The following MUC17 variants were observed in gnomAD, a reference collection of about 807,000 sequenced individuals.
MUC17 encodes mucin-17.
In MUC17, 190 loss-of-function variants were observed where a neutral mutation model predicts 170.3. The observed-to-expected ratio is 1.12, with a 90% confidence interval of 0.99 to 1.26. The LOEUF is 1.26. Ranked by LOEUF, MUC17 falls within the 50% of genes most tolerant of loss-of-function variation. The probability of loss-of-function intolerance (pLI) is 0.00; values close to 1 mark genes in which losing one functional copy is unlikely to be tolerated. For missense variants in MUC17, 6,415 were observed against 5,530.0 expected (o/e 1.16, Z -5.08); for synonymous variants, 2,325 against 2,002.5 (o/e 1.16, Z -4.30).
Position 101,033,981 on chromosome 7 carries a change from G to C in MUC17, c.2565G>C (p.Met855Ile). The change falls in exon 3 of 13, where the codon ATG becomes ATC. Residue 855 changes from methionine (M) to isoleucine (I), a missense_variant. Physicochemically the swap from Met to Ile is conservative, Grantham distance 10. Transcript: ENST00000306151. Reference protein sequence around the residue: ...SSPTPAEGTSMPTSTYSEGRT... With the variant: ...SSPTPAEGTSIPTSTYSEGRT... ...CTACACCTGCTGAAGGTACCAGCAT[G>C]CCAACCTCAACTTATAGTGAAGGAA... 1 of 1,602,404 alleles carries C rather than the reference G, an allele frequency of 6.2e-7. No homozygotes were observed. Among genetic ancestry groups the C allele is most frequent in the Non-Finnish European group, 8.5e-7 (1 of 1,173,630 alleles).
In MUC17 at chr7:101,037,880, C is replaced by T. The variant is rs745488477; in HGVS notation, c.6464C>T (p.Thr2155Ile). The T allele has an allele frequency of 5.0e-6, 8 of 1,610,884 alleles. No homozygotes were observed. The highest frequency in any genetic ancestry group is 2.2e-5 in the East Asian group (1 of 44,614). ...GAAGGTACCAGCATGCAAACCTCAA[C>T]TTATAGTGACAGAAGAACTCCTTTA... Reference protein sequence around the residue: ...PTEGTSMQTSTYSDRRTPLTS... With the variant: ...PTEGTSMQTSIYSDRRTPLTS... Residue 2155 changes from threonine to isoleucine, a missense_variant, in exon 3 of 13, where the codon ACT (threonine) becomes ATT (isoleucine). Coordinates refer to ENST00000306151, the MANE Select transcript of MUC17 (RefSeq NM_001040105.2).
Position 101,035,020 on chromosome 7 carries a change from C to T in MUC17, c.3604C>T (p.Pro1202Ser). 1.9e-6 allele frequency: 3 copies of T among 1,612,384 alleles called. No individual in the cohort carries two copies. Among genetic ancestry groups the T allele is most frequent in the South Asian group, 1.1e-5 (1 of 91,008 alleles). ...ATSTEASSPPPTAEVTSMPTS... is the reference protein window; with the variant it reads ...ATSTEASSPPSTAEVTSMPTS... ...TTCTACTGAAGCCAGTTCACCTCCTCCAACTGCTGAAGTTACCAGCATGCC... is the reference window on the plus strand; with the variant it reads ...TTCTACTGAAGCCAGTTCACCTCCTTCAACTGCTGAAGTTACCAGCATGCC... The change falls in exon 3 of 13, where the codon CCA becomes TCA. Residue 1202 changes from proline to serine, a missense_variant. Coordinates refer to ENST00000306151, the MANE Select transcript of MUC17 (RefSeq NM_001040105.2).
chr7:101,032,821 G>A lies in MUC17; in HGVS notation c.1405G>A (p.Ala469Thr). 1 of 1,613,850 alleles carries A rather than the reference G, an allele frequency of 6.2e-7. No homozygotes were observed. The highest frequency in any genetic ancestry group is 8.5e-7 in the Non-Finnish European group (1 of 1,179,960). The change falls in exon 3 of 13, where the codon GCT (alanine) becomes ACT (threonine). Residue 469 changes from alanine (A) to threonine (T), a missense_variant. Ala to Thr is a moderately conservative substitution (Grantham distance 58). Coordinates refer to ENST00000306151, the MANE Select transcript of MUC17 (RefSeq NM_001040105.2). ...VSTTPVASSE[A>T]SNLSTTPVDS... ...CACCACTCCAGTGGCCAGTTCTGAG[G>A]CTAGCAACCTTTCAACAACTCCTGT...
chr7:101,031,531 T>C (rs755177403), intron 2 of MUC17, 70 bp from the exon 3 acceptor site: 178 of 1,447,284 alleles, frequency 1.2e-4, no homozygotes, highest in Non-Finnish European at 3.1e-5. Context: ...AAAGCCCAAC[T>C]ACAACAATCA....
rs1383244701 is a variant in MUC17, at chr7:101,053,135, G to C, written c.13253G>C (p.Arg4418Thr). The change falls in exon 10 of 13, where the codon AGA (arginine) becomes ACA (threonine). Residue 4418 changes from arginine to threonine, a missense_variant. By Grantham distance (71) the Arg-to-Thr change is moderately conservative. Transcript: ENST00000306151. ...ALLMLVFRSK[R>T]EVKRQKYRLS... ...CTGATGCTCGTTTTCCGCTCCAAGAGAGAGGTGAAACGGTGAGCGAGCCCC... is the reference window on the plus strand; with the variant it reads ...CTGATGCTCGTTTTCCGCTCCAAGACAGAGGTGAAACGGTGAGCGAGCCCC... 6.2e-7 allele frequency: 1 copy of C among 1,613,740 alleles called. No individual in the cohort carries two copies. The highest frequency in any genetic ancestry group is 8.5e-7 in the Non-Finnish European group (1 of 1,179,906).
rs1265195197 is a variant in MUC17, at chr7:101,041,061, A to C, written c.9645A>C (p.Ser3215=). Residue 3215 remains serine (S), a synonymous_variant, in exon 3 of 13, where the codon TCA becomes TCC. Transcript: ENST00000306151. The part of the protein sequence containing the change: ...TTAEGTSIPT[S]TPSEGMTPLT... ...CTGAAGGTACCAGCATTCCAACCTCAACTCCTAGTGAAGGAATGACTCCAT... is the reference window on the plus strand; with the variant it reads ...CTGAAGGTACCAGCATTCCAACCTCCACTCCTAGTGAAGGAATGACTCCAT... 3 of 1,613,424 alleles carry C rather than the reference A, an allele frequency of 1.9e-6. No homozygotes were observed. The highest frequency in any genetic ancestry group is 2.5e-6 in the Non-Finnish European group (3 of 1,179,954).
intron 5 of MUC17, 42 bp downstream of exon 5, chr7:101,049,014 C>G (rs995062713): frequency 3.1e-6 from 5 of 1,613,324 alleles, no homozygotes; most frequent in Non-Finnish European, 4.2e-6. Context: ...CTCAGTTCCC[C>G]CCAGAGCAGA....
chr7:101,020,228 C>G lies in MUC17; in HGVS notation c.82+11C>G. ...CTGCTGCAGAACAGGGTGAGTGACC[C>G]CCACGCCCCGCTGCCCAAGAGGCCC... On this transcript the variant is annotated intron_variant, in intron 1 of 12. Coordinates refer to ENST00000306151, the MANE Select transcript of MUC17 (RefSeq NM_001040105.2). 2 of 1,602,016 alleles carry G rather than the reference C, an allele frequency of 1.2e-6. No homozygotes were observed. The highest frequency in any genetic ancestry group is 1.7e-6 in the Non-Finnish European group (2 of 1,174,874).
chr7:101,024,287 C>G (rs1402186271), intron 1 of MUC17, among the ~76,000 whole-genome samples: 1 of 151,956 alleles, frequency 6.6e-6, no homozygotes, highest in Non-Finnish European at 1.5e-5. Context: ...GTAATCTCAG[C>G]CCCTCAGGAG....
chr7:101,036,179 C>T lies in MUC17; in HGVS notation c.4763C>T (p.Ser1588Phe). ...LPVSTMLVVS[S>F]EANTLSTTPI... ...GTCAGCACCATGCTGGTGGTCAGTT[C>T]TGAGGCTAACACCCTTTCAACAACC... is the stretch of plus-strand genomic sequence containing the variant. Residue 1588 changes from serine to phenylalanine, a missense_variant, in exon 3 of 13, where the codon TCT becomes TTT. Transcript: ENST00000306151. 6.2e-7 allele frequency: 1 copy of T among 1,614,028 alleles called. No homozygotes were observed. Among genetic ancestry groups the T allele is most frequent in the East Asian group, 2.2e-5 (1 of 44,876 alleles).
In MUC17 at chr7:101,043,290, T is replaced by G. The variant is rs546733651; in HGVS notation, c.11874T>G (p.Thr3958=). 1 of 1,614,176 alleles carries G rather than the reference T, an allele frequency of 6.2e-7. No individual in the cohort carries two copies. Among genetic ancestry groups the G allele is most frequent in the Non-Finnish European group, 8.5e-7 (1 of 1,180,042 alleles). ...SSTADVFPAT[T]GAVSTPVITS... is the part of the protein sequence containing the mutation. ...CTGCTGATGTCTTTCCTGCAACAAC[T>G]GGTGCTGTATCTACCCCTGTGATAA... is the stretch of plus-strand genomic sequence containing the variant. Residue 3958 remains threonine (T), a synonymous_variant, in exon 3 of 13, where the codon ACT becomes ACG. Transcript: ENST00000306151.
chr7:101,025,545 A>T (rs1271283699), intron 1 of MUC17, among the ~76,000 whole-genome samples: 1 of 152,096 alleles, frequency 6.6e-6, no homozygotes, highest in East Asian at 1.9e-4. Flanking sequence ...TAATCCCAGC[A>T]CTTTGGGAGG....
In MUC17 at chr7:101,041,119, G is replaced by A. The variant is rs143763677; in HGVS notation, c.9703G>A (p.Ala3235Thr). 49 of 1,613,672 alleles carry A rather than the reference G, an allele frequency of 3.0e-5. 1 individual carries two copies. In the African/African-American group the frequency reaches 5.5e-4, roughly 18 times the overall value. ...TSVPVSNTPVASSEASILSTT... is the reference protein window; with the variant it reads ...TSVPVSNTPVTSSEASILSTT... ...TGTACCTGTCAGCAACACGCCGGTG[G>A]CCAGTTCTGAGGCTAGCATCCTTTC... Residue 3235 changes from alanine to threonine, a missense_variant, in exon 3 of 13, where the codon GCC becomes ACC. Ala to Thr is a moderately conservative substitution (Grantham distance 58). Coordinates refer to ENST00000306151, the MANE Select transcript of MUC17 (RefSeq NM_001040105.2).
At position 101,035,329 on chromosome 7, in the gene MUC17, A is replaced by G. The variant is rs78010183; in HGVS notation, c.3913A>G (p.Thr1305Ala). The G allele has an allele frequency of 7.5e-6, 12 of 1,600,120 alleles. No individual in the cohort carries two copies. In the South Asian group the frequency reaches 1.3e-4, roughly 18 times the overall value. The change falls in exon 3 of 13, where the codon ACT (threonine) becomes GCT (alanine). Residue 1305 changes from threonine to alanine, a missense_variant. Coordinates refer to ENST00000306151, the MANE Select transcript of MUC17 (RefSeq NM_001040105.2). The part of the protein sequence containing the change: ...ASTLLTTPVD[T>A]KGPVVTSNEV... ...CACCCTTTTAACAACTCCTGTTGAC[A>G]CTAAAGGTCCTGTGGTCACTTCTAA...
rs750580851 is a variant in MUC17, at chr7:101,039,372, C to G, written c.7956C>G (p.Thr2652=). 1.2e-6 allele frequency: 2 copies of G among 1,611,888 alleles called. No individual in the cohort carries two copies. Among genetic ancestry groups the G allele is most frequent in the Non-Finnish European group, 1.7e-6 (2 of 1,179,126 alleles). ...TMPVASSEAS[T]LSTTPVDTRT... ...CAGTGGCCAGTTCTGAGGCTAGCAC[C>G]CTTTCAACAACTCCTGTTGACACCA... Residue 2652 remains threonine (T), a synonymous_variant, in exon 3 of 13, where the codon ACC becomes ACG. Coordinates refer to ENST00000306151, the MANE Select transcript of MUC17 (RefSeq NM_001040105.2).
chr7:101,040,164 C>A lies in MUC17; in HGVS notation c.8748C>A (p.Thr2916=). Residue 2916 remains threonine, a synonymous_variant, in exon 3 of 13, where the codon ACC becomes ACA. Transcript: ENST00000306151. ...CTTCTCCTACAACTGCTGAAGGTAC[C>A]AGCATGCCAATCTCAACTCCTAGTG... The part of the protein sequence containing the change: ...GSSSPTTAEG[T]SMPISTPSEV... 6.2e-7 allele frequency: 1 copy of A among 1,613,114 alleles called. No individual in the cohort carries two copies. The highest frequency in any genetic ancestry group is 8.5e-7 in the Non-Finnish European group (1 of 1,179,636).
At chr7:101,031,543 T>C in intron 2 of MUC17, 58 bp from the exon 3 acceptor site, 2 of 1,480,598 alleles carry the variant, frequency 1.4e-6, no homozygotes, top group Non-Finnish European at 1.8e-6. Context: ...CAACAATCAC[T>C]CCTGACATAC....
Position 101,041,812 on chromosome 7 carries a change from A to T in MUC17, c.10396A>T (p.Ser3466Cys). ...CACTCCATTATCAATTATGCCTCTC[A>T]GTACCACGCCGGTGGCCAGTTCTGA... Reference protein sequence around the residue: ...GSTPLSIMPLSTTPVASSEAS... With the variant: ...GSTPLSIMPLCTTPVASSEAS... Residue 3466 changes from serine to cysteine, a missense_variant, in exon 3 of 13, where the codon AGT becomes TGT. Coordinates refer to ENST00000306151, the MANE Select transcript of MUC17 (RefSeq NM_001040105.2). 6.2e-7 allele frequency: 1 copy of T among 1,613,944 alleles called. No individual in the cohort carries two copies. Among genetic ancestry groups the T allele is most frequent in the Non-Finnish European group, 8.5e-7 (1 of 1,179,996 alleles).
chr7:101,048,970 C>T lies in MUC17; in HGVS notation c.12661C>T (p.Gln4221Ter). ...FQEFKQTFTE[Q>*]MNIVYSGIPE... ...GGAGTTCAAACAGACATTCACGGAA[C>T]AGGTAAGTCTGGGAGAGCAAGGCCC... is the stretch of plus-strand genomic sequence containing the variant. Residue 4221 changes from glutamine (Q) to a stop codon, truncating the protein, a stop_gained and splice_region_variant, in exon 5 of 13, where the codon CAG becomes TAG. Coordinates refer to ENST00000306151, the MANE Select transcript of MUC17 (RefSeq NM_001040105.2). LOFTEE classifies it high-confidence loss of function. 1 of 1,614,180 alleles carries T rather than the reference C, an allele frequency of 6.2e-7. No individual in the cohort carries two copies. Among genetic ancestry groups the T allele is most frequent in the Non-Finnish European group, 8.5e-7 (1 of 1,180,020 alleles).
Sources: allele counts gnomAD v4.1 joint callset (sites outside exome capture counted in the v4.1 genomes callset), GRCh38; gene constraint gnomAD v4.1.1; transcripts MANE v1.5; gene names NCBI Gene and HGNC (gene_info 2026-07-23, HGNC 2026-07-21).